The following PACRG variants were observed in gnomAD, a reference collection of about 807,000 sequenced individuals.
PACRG encodes the protein parkin coregulated gene protein.
A neutral mutation model predicts 29.7 loss-of-function variants in PACRG; 29 were observed. The observed-to-expected ratio is 0.98, with a 90% CI of 0.73 to 1.33. The LOEUF is 1.33. PACRG is among the 40% of genes most tolerant of loss of function. PACRG has a pLI of 0.00. For synonymous variants in PACRG, 116 were observed against 118.7 expected (o/e 0.98, Z 0.15); for missense variants, 279 against 316.2 (o/e 0.88, Z 0.89).
chr6:163,243,078 C>T (rs1782560132), intron 4 of PACRG, among the ~76,000 whole-genome samples: 2 of 152,232 alleles, frequency 1.3e-5, no homozygotes, highest in Admixed American at 1.3e-4. Context: ...CCTGGGGAGA[C>T]CAACCATGAC....
chr6:163,240,316 T>G (rs970644618), intron 4 of PACRG, among the ~76,000 whole-genome samples: 4 of 152,128 alleles, frequency 2.6e-5, no homozygotes, highest in Admixed American at 2.6e-4. Flanking sequence ...ATGAAAGCTG[T>G]GACGGGGACA....
intron 1 of PACRG, among the ~76,000 whole-genome samples, chr6:162,812,372 A>G (rs922427183): frequency 6.6e-6 from 1 of 152,172 alleles, no homozygotes; most frequent in South Asian, 2.1e-4. Context: ...TACAATAACA[A>G]TACACACACA....
chr6:163,233,249 G>A lies in PACRG; in HGVS notation c.614-81578G>A, dbSNP rs139976582. Among the ~76,000 whole-genome samples, 118 of 152,230 alleles carry A rather than the reference G, an allele frequency of 7.8e-4. 1 individual carries two copies. The highest frequency in any genetic ancestry group is 2.7e-3 in the African/African-American group (111 of 41,518). On this transcript the variant is annotated intron_variant, in intron 4 of 4. Transcript: ENST00000366888. Reference sequence around the variant, plus strand: ...CTGTTAGGAGATTTAAATTATTTAGGGACAAAGCTGAAGGTGTGTGAATGG... The same window carrying A: ...CTGTTAGGAGATTTAAATTATTTAGAGACAAAGCTGAAGGTGTGTGAATGG...
chr6:163,147,748 C>G (rs921876216), intron 4 of PACRG, among the ~76,000 whole-genome samples: 1 of 152,190 alleles, frequency 6.6e-6, no homozygotes, highest in South Asian at 2.1e-4. Context: ...TTCGCCTAGA[C>G]CTTCCTCTTG....
At chr6:162,768,179 A>G (rs1298280070) in intron 1 of PACRG, among the ~76,000 whole-genome samples, 2 of 152,076 alleles carry the variant, frequency 1.3e-5, no homozygotes, top group African/African-American at 4.8e-5. Context: ...GTTTATGCTC[A>G]GGTGAATGTT....
chr6:163,127,881 TTTTG>T (rs1816580720), intron 4 of PACRG, among the ~76,000 whole-genome samples: 1 of 152,218 alleles, frequency 6.6e-6, no homozygotes. Flanking sequence ...ATATTATATC[TTTTG>T]TTTGGCAGAA....
intron 4 of PACRG, among the ~76,000 whole-genome samples, chr6:163,138,493 A>G (rs1817027339): frequency 6.6e-6 from 1 of 152,216 alleles, no homozygotes; most frequent in Non-Finnish European, 1.5e-5. Flanking sequence ...AGGTGGTTTC[A>G]GGATGAAACT....
At chr6:163,063,955 T>G (rs900804219) in intron 3 of PACRG, among the ~76,000 whole-genome samples, 1 of 152,176 alleles carries the variant, frequency 6.6e-6, no homozygotes, top group African/African-American at 2.4e-5. Context: ...TAAATTCTAC[T>G]TGAACTGCTA....
intron 2 of PACRG, among the ~76,000 whole-genome samples, chr6:162,838,758 A>G (rs1789480552): frequency 1.1e-5 from 1 of 89,768 alleles, no homozygotes; most frequent in African/African-American, 4.6e-5. Context: ...CCACCCCACC[A>G]CAGTCCCCAG....
intron 1 of PACRG, among the ~76,000 whole-genome samples, chr6:162,778,943 T>C (rs1267106566): frequency 6.6e-6 from 1 of 152,234 alleles, no homozygotes; most frequent in Admixed American, 6.5e-5. Context: ...GGTAAACGTG[T>C]GCCATGGCGG....
chr6:163,011,128 G>T (rs1805574827), intron 2 of PACRG, among the ~76,000 whole-genome samples: 1 of 152,162 alleles, frequency 6.6e-6, no homozygotes, highest in Non-Finnish European at 1.5e-5. Context: ...GGGGCTGGGA[G>T]GGTGGGCTTC....
At chr6:163,224,391 A>AAAAAAAAAAAAAAAAAAAAAC (rs1781706063) in intron 4 of PACRG, among the ~76,000 whole-genome samples, 1 of 143,748 alleles carries the variant, frequency 7.0e-6, no homozygotes, top group Non-Finnish European at 1.5e-5. Flanking sequence ...AAAAAAAAAA[A>AAAAAAAAAAAAAAAAAAAAAC]AAAGAACAAA....
intron 1 of PACRG, among the ~76,000 whole-genome samples, chr6:162,768,691 T>C (rs1190916813): frequency 6.6e-6 from 1 of 152,060 alleles, no homozygotes; most frequent in African/African-American, 2.4e-5. Context: ...GATCAAAGTT[T>C]TTATGGACTT....
chr6:162,904,047 C>T (rs1480285843), intron 2 of PACRG, among the ~76,000 whole-genome samples: 5 of 152,196 alleles, frequency 3.3e-5, no homozygotes. Context: ...GCAGGGCAGA[C>T]TGATAGGCAG....
intron 1 of PACRG, among the ~76,000 whole-genome samples, chr6:162,761,101 G>C (rs1014500683): frequency 1.3e-5 from 2 of 152,110 alleles, no homozygotes; most frequent in East Asian, 3.9e-4. Flanking sequence ...CATGGTGGCT[G>C]ATGCCCCAGC....
At chr6:163,182,842 T>C (rs1450340226) in intron 4 of PACRG, 1 of 152,226 alleles carries the variant, frequency 6.6e-6, no homozygotes, top group Non-Finnish European at 1.5e-5. Flanking sequence ...TTTAATGGTC[T>C]TGACTCTAAG....
At chr6:162,747,474 CTATATATA>C (rs377352285) in intron 1 of PACRG, among the ~76,000 whole-genome samples, 2 of 44,776 alleles carry the variant, frequency 4.5e-5, no homozygotes, top group East Asian at 1.1e-3. Context: ...ATATGTAAAA[CTATATATA>C]TATATATATA....
intron 4 of PACRG, among the ~76,000 whole-genome samples, chr6:163,105,037 C>G (rs1815306153): frequency 6.6e-6 from 1 of 151,988 alleles, no homozygotes; most frequent in African/African-American, 2.4e-5. Flanking sequence ...TGACCCTATT[C>G]CTGAAAATCA....
At chr6:163,134,411 G>A (rs1585253313) in intron 4 of PACRG, among the ~76,000 whole-genome samples, 1 of 152,130 alleles carries the variant, frequency 6.6e-6, no homozygotes, top group East Asian at 1.9e-4. Flanking sequence ...TCTCCAATGG[G>A]CGTTGAAGAG....
Sources: allele counts gnomAD v4.1 joint callset (sites outside exome capture counted in the v4.1 genomes callset), GRCh38; gene constraint gnomAD v4.1.1; transcripts MANE v1.5; gene names NCBI Gene and HGNC (gene_info 2026-07-23, HGNC 2026-07-21).